The following GRM8 variants were observed in gnomAD, a reference collection of about 807,000 sequenced individuals.
The protein encoded by GRM8 is glutamate metabotropic receptor 8.
A neutral mutation model predicts 87.2 loss-of-function variants in GRM8; 47 were observed. The ratio of observed to expected loss-of-function variants is 0.54; its 90% confidence interval spans 0.43 to 0.69. GRM8 has a LOEUF of 0.69. Ranked by LOEUF, GRM8 falls within the 30% of genes least tolerant of loss-of-function variation. GRM8 has a pLI of 0.00. For missense variants in GRM8, 1,019 were observed against 1,139.2 expected, an observed-to-expected ratio of 0.89 and a Z score of 1.52; for synonymous variants, 396 against 404.5, an observed-to-expected ratio of 0.98 and a Z score of 0.25.
intron 7 of GRM8, among the ~76,000 whole-genome samples, chr7:126,617,186 G>C (rs1585238350): frequency 6.6e-6 from 1 of 152,142 alleles, no homozygotes; most frequent in African/African-American, 2.4e-5. Context: ...CCATGATCAA[G>C]TTGGCTTCAT....
chr7:126,519,300 T>C (rs993525310), intron 9 of GRM8, among the ~76,000 whole-genome samples: 1 of 152,118 alleles, frequency 6.6e-6, no homozygotes, highest in Non-Finnish European at 1.5e-5. Flanking sequence ...TTAGAACTTG[T>C]ATTAATAGGG....
At chr7:126,466,103 AGT>A (rs1463654496) in intron 9 of GRM8, among the ~76,000 whole-genome samples, 1 of 151,922 alleles carries the variant, frequency 6.6e-6, no homozygotes, top group African/African-American at 2.4e-5. Flanking sequence ...CCTGTCAATA[AGT>A]GTGTCTTTTA....
intron 3 of GRM8, among the ~76,000 whole-genome samples, chr7:127,068,991 C>T (rs1350415380): frequency 7.2e-5 from 11 of 152,108 alleles, no homozygotes. Context: ...AATTATAGGG[C>T]TTCCCTGCTT....
intron 7 of GRM8, among the ~76,000 whole-genome samples, chr7:126,676,379 A>G (rs1460829099): frequency 6.6e-6 from 1 of 152,196 alleles, no homozygotes; most frequent in Non-Finnish European, 1.5e-5. Flanking sequence ...AATATCCTAA[A>G]ATTCATGTGG....
chr7:126,471,976 G>A (rs1290306068), intron 9 of GRM8, among the ~76,000 whole-genome samples: 6 of 152,112 alleles, frequency 3.9e-5, no homozygotes, highest in Non-Finnish European at 7.4e-5. Flanking sequence ...GTTCACTCAT[G>A]ATTTGGCTCT....
At chr7:126,446,085 G>A (rs1563013761) in intron 10 of GRM8, 41 bp downstream of exon 10, 6 of 1,609,798 alleles carry the variant, frequency 3.7e-6, no homozygotes, top group Non-Finnish European at 4.2e-6. Context: ...ATTAGGAAGT[G>A]CTCCCGCTCT....
intron 6 of GRM8, among the ~76,000 whole-genome samples, chr7:126,772,135 T>C (rs1818912674): frequency 6.6e-6 from 1 of 152,122 alleles, no homozygotes; most frequent in African/African-American, 2.4e-5. Context: ...GACGCTGTTA[T>C]TTCCGTATAG....
At chr7:126,853,057 C>T (rs1308619897) in intron 6 of GRM8, among the ~76,000 whole-genome samples, 2 of 152,134 alleles carry the variant, frequency 1.3e-5, no homozygotes, top group African/African-American at 4.8e-5. Flanking sequence ...TGGAATGTTT[C>T]ATAAATATAG....
intron 8 of GRM8, among the ~76,000 whole-genome samples, chr7:126,534,921 A>G (rs1305482544): frequency 6.6e-6 from 1 of 152,104 alleles, no homozygotes; most frequent in Non-Finnish European, 1.5e-5. Context: ...CTCGATACAT[A>G]TTTGTTGAAT....
intron 8 of GRM8, among the ~76,000 whole-genome samples, chr7:126,541,881 A>G (rs1816583799): frequency 6.6e-6 from 1 of 152,200 alleles, no homozygotes; most frequent in African/African-American, 2.4e-5. Context: ...CCCAAAATTC[A>G]TATGTTGAAG....
At chr7:127,079,993 A>G (rs777329643) in intron 3 of GRM8, among the ~76,000 whole-genome samples, 2 of 152,176 alleles carry the variant, frequency 1.3e-5, no homozygotes, top group Non-Finnish European at 2.9e-5. Context: ...AGACATCCAC[A>G]TTCTAATCTC....
At chr7:127,201,713 C>T (rs1349261937) in intron 2 of GRM8, among the ~76,000 whole-genome samples, 1 of 152,176 alleles carries the variant, frequency 6.6e-6, no homozygotes, top group Non-Finnish European at 1.5e-5. Context: ...GGAATAGCCT[C>T]AACTAGAGTA....
intron 3 of GRM8, chr7:127,076,189 CA>C: frequency 2.2e-6 from 1 of 456,526 alleles, no homozygotes; most frequent in Non-Finnish European, 4.4e-6. Flanking sequence ...CATAGTATAG[CA>C]AAACATTCAT....
At chr7:127,147,751 C>T (rs1421022976) in intron 2 of GRM8, among the ~76,000 whole-genome samples, 6 of 145,124 alleles carry the variant, frequency 4.1e-5, no homozygotes, top group African/African-American at 1.6e-4. Context: ...AATCCTTTTA[C>T]ACTTATATGT....
intron 9 of GRM8, among the ~76,000 whole-genome samples, chr7:126,524,261 A>G (rs1296180688): frequency 6.6e-6 from 1 of 152,142 alleles, no homozygotes; most frequent in Admixed American, 6.5e-5. Flanking sequence ...GATAATTCAT[A>G]TGTAGATATG....
intron 9 of GRM8, among the ~76,000 whole-genome samples, chr7:126,516,015 A>C (rs1812110296): frequency 1.3e-5 from 2 of 152,020 alleles, no homozygotes; most frequent in South Asian, 4.1e-4. Flanking sequence ...TTCTAATTTA[A>C]GCAATATTTG....
intron 3 of GRM8, among the ~76,000 whole-genome samples, chr7:127,092,763 A>G (rs1382155424): frequency 2.0e-5 from 3 of 152,222 alleles, no homozygotes; most frequent in African/African-American, 7.2e-5. Context: ...CACAGAGGAC[A>G]TGCACGGATT....
intron 7 of GRM8, among the ~76,000 whole-genome samples, chr7:126,646,846 T>C (rs2151225384): frequency 6.6e-6 from 1 of 152,300 alleles, no homozygotes; most frequent in African/African-American, 2.4e-5. Context: ...ACTCTTGGTG[T>C]TATTCTTCTG....
chr7:126,848,279 A>G (rs1796889139), intron 6 of GRM8, among the ~76,000 whole-genome samples: 1 of 152,112 alleles, frequency 6.6e-6, no homozygotes, highest in South Asian at 2.1e-4. Context: ...GAGAGTCTAG[A>G]GCTGTACTGT....
Sources: gnomAD v4.1 joint callset for allele counts (sites outside exome capture counted in the v4.1 genomes callset) on GRCh38, gnomAD v4.1.1 for gene constraint, MANE v1.5 for transcripts, NCBI Gene and HGNC (gene_info 2026-07-23, HGNC 2026-07-21) for gene names.